Variants in NCOA7 observed in about 807,000 individuals in gnomAD.
NCOA7 encodes the protein 140 kDa estrogen receptor-associated protein.
Under a neutral mutation model 104.3 loss-of-function variants are expected in NCOA7, and 45 were observed. That is an observed-to-expected ratio of 0.43 (90% confidence interval 0.34 to 0.55). NCOA7 has a LOEUF of 0.55. NCOA7 is among the 20% of genes least tolerant of loss of function. The pLI is 0.02. For missense variants in NCOA7, 1,041 were observed against 1,119.7 expected (o/e 0.93, Z 1.00); for synonymous variants, 398 against 402.3 (o/e 0.99, Z 0.13).
In NCOA7 at chr6:125,881,113, C is replaced by G; in HGVS notation, c.483C>G (p.Asn161Lys). ...PGQVLFVPDA[N>K]SPSSTLRLSS... The stretch of plus-strand genomic sequence containing the variant: ...AGGTCCTTTTTGTGCCAGATGCCAA[C>G]TCTCCTTCCAGTACCTTAAGGCTAT... The change falls in exon 6 of 16, where the codon AAC (asparagine) becomes AAG (lysine). Residue 161 changes from asparagine (N) to lysine (K), a missense_variant. Physicochemically the swap from Asn to Lys is moderately conservative, Grantham distance 94 (BLOSUM62 0). Coordinates refer to ENST00000392477, the MANE Select transcript of NCOA7 (RefSeq NM_181782.5). The G allele has an allele frequency of 6.2e-7, 1 of 1,614,002 alleles. No individual in the cohort carries two copies. The highest frequency in any genetic ancestry group is 8.5e-7 in the Non-Finnish European group (1 of 1,179,922).
intron 11 of NCOA7, among the ~76,000 whole-genome samples, chr6:125,920,448 C>G (rs563284791): frequency 6.6e-5 from 10 of 152,180 alleles, no homozygotes; most frequent in Non-Finnish European, 1.5e-4. Context: ...AATCTAAAGG[C>G]TAAAAGAGAA....
chr6:125,783,633 A>G (rs947803691), intron 1 of NCOA7, among the ~76,000 whole-genome samples: 1 of 152,206 alleles, frequency 6.6e-6, no homozygotes, highest in Non-Finnish European at 1.5e-5. Context: ...GAGGGAGTCT[A>G]TTCAAACTGG....
intron 2 of NCOA7, among the ~76,000 whole-genome samples, chr6:125,818,065 T>A (rs762833378): frequency 6.9e-6 from 1 of 145,156 alleles, no homozygotes; most frequent in Non-Finnish European, 1.5e-5. Context: ...CCTTCCCGCT[T>A]CTCCCCCTTC....
intron 7 of NCOA7, 136 bp downstream of exon 7, chr6:125,882,687 G>T: frequency 1.0e-6 from 1 of 996,482 alleles, no homozygotes; most frequent in African/African-American, 1.6e-5. Flanking sequence ...GCATCCATTA[G>T]TTTTCTTCTG....
chr6:125,817,106 T>C (rs1777661511), intron 2 of NCOA7, among the ~76,000 whole-genome samples: 1 of 152,246 alleles, frequency 6.6e-6, no homozygotes, highest in Non-Finnish European at 1.5e-5. Flanking sequence ...TCCTTTTTAT[T>C]GCACAGTAGC....
At chr6:125,845,078 A>G (rs535841176) in intron 2 of NCOA7, among the ~76,000 whole-genome samples, 1 of 152,324 alleles carries the variant, frequency 6.6e-6, no homozygotes, top group East Asian at 1.9e-4. Context: ...AGACGATTCA[A>G]ACACAAACGT....
intron 3 of NCOA7, among the ~76,000 whole-genome samples, chr6:125,871,957 A>G (rs974310864): frequency 2.7e-5 from 4 of 148,636 alleles, no homozygotes; most frequent in Non-Finnish European, 4.4e-5. Flanking sequence ...TGTTAGTGCC[A>G]CTGCACCCCA....
intron 12 of NCOA7, among the ~76,000 whole-genome samples, chr6:125,922,256 C>A (rs75807605): frequency 0.016 from 2,420 of 152,182 alleles, 38 homozygotes; most frequent in Non-Finnish European, 0.025. Context: ...TGTTTTTTTG[C>A]CCTCACTTCT....
At chr6:125,915,109 A>AAAGACAGTT in intron 10 of NCOA7, among the ~76,000 whole-genome samples, 1 of 152,204 alleles carries the variant, frequency 6.6e-6, no homozygotes, top group Non-Finnish European at 1.5e-5. Context: ...CCTCAAATTG[A>AAAGACAGTT]AAGACAGTTT....
chr6:125,855,874 G>A (rs60972861), intron 3 of NCOA7, among the ~76,000 whole-genome samples: 5,485 of 152,060 alleles, frequency 0.036, 324 homozygotes, highest in African/African-American at 0.12. Flanking sequence ...TAGTAGAGAC[G>A]GGGTTTCACC....
At chr6:125,844,771 A>G (rs552817757) in intron 2 of NCOA7, among the ~76,000 whole-genome samples, 2 of 152,328 alleles carry the variant, frequency 1.3e-5, no homozygotes, top group South Asian at 4.1e-4. Context: ...CATTTGTCAC[A>G]TACCTTCTTT....
intron 2 of NCOA7, among the ~76,000 whole-genome samples, chr6:125,832,809 A>C (rs775133171): frequency 6.6e-6 from 1 of 152,246 alleles, no homozygotes; most frequent in African/African-American, 2.4e-5. Flanking sequence ...TTGGCAGGAC[A>C]CAGGAGGAAC....
chr6:125,922,853 A>C lies in NCOA7; in HGVS notation c.2523+19A>C. The C allele has an allele frequency of 6.2e-7, 1 of 1,606,980 alleles. No homozygotes were observed. On this transcript the variant is annotated intron_variant, in intron 13 of 15. Coordinates refer to ENST00000392477, the MANE Select transcript of NCOA7 (RefSeq NM_181782.5). ...TAATCAGGTGAGGCCTGTCCCTCTC[A>C]TAAAGAATATTTTTTAATAATTTTT...
chr6:125,901,528 G>A (rs1410443238), intron 10 of NCOA7, among the ~76,000 whole-genome samples: 6 of 152,248 alleles, frequency 3.9e-5, no homozygotes, highest in African/African-American at 9.6e-5. Flanking sequence ...ACGCAGGTGA[G>A]TGGGTACAGG....
chr6:125,788,039 T>C (rs1432418064), upstream of NCOA7, among the ~76,000 whole-genome samples: 1 of 152,232 alleles, frequency 6.6e-6, no homozygotes, highest in Non-Finnish European at 1.5e-5. Context: ...TCTTAAAGAT[T>C]ACCATGTTCT....
chr6:125,813,126 G>A (rs549556189), intron 1 of NCOA7, among the ~76,000 whole-genome samples: 15 of 152,300 alleles, frequency 9.8e-5, no homozygotes, highest in African/African-American at 2.9e-4. Context: ...GCCCTTCCAT[G>A]TACCTTGGGG....
At chr6:125,811,794 A>G (rs1777032491) in intron 1 of NCOA7, among the ~76,000 whole-genome samples, 1 of 152,280 alleles carries the variant, frequency 6.6e-6, no homozygotes, top group East Asian at 1.9e-4. Flanking sequence ...TCACTAATGC[A>G]GTCCCGTTGG....
intron 10 of NCOA7, among the ~76,000 whole-genome samples, chr6:125,900,451 G>C (rs1029007379): frequency 1.6e-4 from 24 of 152,208 alleles, no homozygotes; most frequent in African/African-American, 5.3e-4. Context: ...TTTCTCAACA[G>C]AGCGTTCCTA....
intron 10 of NCOA7, among the ~76,000 whole-genome samples, chr6:125,897,696 T>G (rs189191728): frequency 7.2e-4 from 109 of 152,290 alleles, no homozygotes; most frequent in African/African-American, 2.6e-3. Flanking sequence ...ATTTTTTTTT[T>G]GAGATGGCAT....
Sources: gnomAD v4.1 joint callset for allele counts (sites outside exome capture counted in the v4.1 genomes callset) on GRCh38, gnomAD v4.1.1 for gene constraint, MANE v1.5 for transcripts, NCBI Gene and HGNC (gene_info 2026-07-23, HGNC 2026-07-21) for gene names.